ELP4: variants seen among roughly 807,000 people sequenced by gnomAD.
ELP4 encodes elongator complex protein 4.
ELP4 carries 51 observed loss-of-function variants against 48.9 expected under a neutral mutation model. The observed-to-expected ratio is 1.04, with a 90% confidence interval of 0.83 to 1.32. The LOEUF is 1.32. ELP4 is among the 40% of genes most tolerant of loss of function. The pLI, the probability that ELP4 is intolerant of heterozygous loss-of-function variation, is 0.00. For missense variants in ELP4, 519 were observed against 514.6 expected (o/e 1.01, Z -0.08); for synonymous variants, 210 against 189.2 (o/e 1.11, Z -0.90).
At chr11:31,706,349 G>A (rs887260485) in intron 9 of ELP4, among the ~76,000 whole-genome samples, 2 of 151,436 alleles carry the variant, frequency 1.3e-5, no homozygotes, top group Admixed American at 6.6e-5. Context: ...AGAACTTAAG[G>A]CCAGACATGG....
At chr11:31,534,317 G>A (rs1449411701) in intron 2 of ELP4, among the ~76,000 whole-genome samples, 1 of 151,804 alleles carries the variant, frequency 6.6e-6, no homozygotes, top group East Asian at 1.9e-4. Context: ...GAGAGAAAGA[G>A]GAGATATTGG....
At chr11:31,747,797 T>C (rs112627998) in intron 9 of ELP4, among the ~76,000 whole-genome samples, 66 of 152,356 alleles carry the variant, frequency 4.3e-4, no homozygotes, top group African/African-American at 1.4e-3. Context: ...TGTAGTGTGC[T>C]CTGTAGTGTG....
intron 6 of ELP4, among the ~76,000 whole-genome samples, chr11:31,630,894 A>G (rs1592174121): frequency 6.6e-6 from 1 of 152,190 alleles, no homozygotes; most frequent in East Asian, 1.9e-4. Flanking sequence ...ACCATAAGCT[A>G]TAGTAAGGCC....
chr11:31,532,245 G>A (rs1488219305), intron 2 of ELP4, among the ~76,000 whole-genome samples: 1 of 152,196 alleles, frequency 6.6e-6, no homozygotes, highest in Non-Finnish European at 1.5e-5. Flanking sequence ...GACATGTCAT[G>A]AAATTCTGTT....
chr11:31,668,721 T>TGTGTGTGTGTGTGA (rs1565103640), intron 9 of ELP4, among the ~76,000 whole-genome samples: 2 of 92,596 alleles, frequency 2.2e-5, no homozygotes, highest in Non-Finnish European at 4.2e-5. Context: ...TGTGTGTGTG[T>TGTGTGTGTGTGTGA]AAGAACCCTG....
At chr11:31,713,659 T>C (rs1296250058) in intron 9 of ELP4, among the ~76,000 whole-genome samples, 1 of 152,182 alleles carries the variant, frequency 6.6e-6, no homozygotes, top group Admixed American at 6.5e-5. Context: ...GTAAACTCAA[T>C]TCCACCAACC....
intron 2 of ELP4, among the ~76,000 whole-genome samples, chr11:31,535,685 T>TC (rs1956488446): frequency 6.6e-6 from 1 of 152,182 alleles, no homozygotes; most frequent in Non-Finnish European, 1.5e-5. Context: ...CTGTATATAC[T>TC]CATGCAGCCA....
rs966076997 is a variant in ELP4, at chr11:31,787,747, G to A, written c.*4223G>A. 8.7e-6 allele frequency: 2 copies of A among 228,968 alleles called. No individual in the cohort carries two copies. Among genetic ancestry groups the A allele is most frequent in the Non-Finnish European group, 1.7e-5 (2 of 115,434 alleles). The allele number at this position is 228,968 out of a possible 1,614,324, so 14.2% of individuals were successfully genotyped here. A position where few individuals can be genotyped will look rare whatever the true frequency, so the allele number is the denominator to read the frequency against. The stretch of plus-strand genomic sequence containing the variant: ...CTCCAAATGTGCAGCAACTCTGGTG[G>A]AATAAAATTATTAGTATATTTCATG... On this transcript the variant is annotated 3_prime_UTR_variant, in exon 10 of 10. Transcript: ENST00000640961.
intron 5 of ELP4, among the ~76,000 whole-genome samples, chr11:31,618,553 A>G (rs2134023336): frequency 6.6e-6 from 1 of 152,184 alleles, no homozygotes; most frequent in East Asian, 1.9e-4. Flanking sequence ...CAAAGGTCCC[A>G]CCACTTAATA....
chr11:31,535,059 G>A (rs553927463), intron 2 of ELP4, among the ~76,000 whole-genome samples: 9 of 152,228 alleles, frequency 5.9e-5, no homozygotes, highest in East Asian at 1.9e-4. Context: ...TTCCTTTGCC[G>A]TAACACACTA....
intron 9 of ELP4, chr11:31,719,655 T>C (rs1946917710): frequency 2.0e-5 from 8 of 391,458 alleles, no homozygotes; most frequent in Non-Finnish European, 4.5e-6. Flanking sequence ...AAAAGAAATA[T>C]AGGGCGAATT....
intron 1 of ELP4, among the ~76,000 whole-genome samples, chr11:31,517,109 A>G (rs1020513042): frequency 6.6e-6 from 1 of 152,152 alleles, no homozygotes; most frequent in Non-Finnish European, 1.5e-5. Context: ...AGGCGCATGT[A>G]TGTTACCAGA....
At chr11:31,548,297 C>G (rs1592105329) in intron 3 of ELP4, among the ~76,000 whole-genome samples, 1 of 152,048 alleles carries the variant, frequency 6.6e-6, no homozygotes. Flanking sequence ...TCTCAGGATA[C>G]AAAATCAATG....
At chr11:31,669,236 C>T (rs1054409747) in intron 9 of ELP4, among the ~76,000 whole-genome samples, 4 of 151,902 alleles carry the variant, frequency 2.6e-5, no homozygotes, top group African/African-American at 7.3e-5. Context: ...GTAGCTGGGA[C>T]TACCATGCCC....
At chr11:31,694,019 T>C (rs1946343208) in intron 9 of ELP4, among the ~76,000 whole-genome samples, 1 of 152,226 alleles carries the variant, frequency 6.6e-6, no homozygotes, top group South Asian at 2.1e-4. Context: ...GTTTGTTTTT[T>C]TCTTATAAAT....
At chr11:31,585,116 T>G (rs1050147256) in intron 3 of ELP4, among the ~76,000 whole-genome samples, 1 of 152,170 alleles carries the variant, frequency 6.6e-6, no homozygotes, top group Non-Finnish European at 1.5e-5. Context: ...AAAAAATCAG[T>G]TGTGACAAAC....
At chr11:31,515,383 C>G (rs1302312779) in intron 1 of ELP4, among the ~76,000 whole-genome samples, 1 of 152,144 alleles carries the variant, frequency 6.6e-6, no homozygotes, top group East Asian at 1.9e-4. Flanking sequence ...TGTGGTCACT[C>G]ATGCCTGTAA....
At chr11:31,741,000 C>G (rs189982484) in intron 9 of ELP4, among the ~76,000 whole-genome samples, 8 of 152,144 alleles carry the variant, frequency 5.3e-5, no homozygotes, top group Admixed American at 3.9e-4. Context: ...TCAAAGAAAG[C>G]GGTGACAGAC....
At chr11:31,709,491 A>G (rs911154320) in intron 9 of ELP4, among the ~76,000 whole-genome samples, 1 of 152,220 alleles carries the variant, frequency 6.6e-6, no homozygotes, top group Admixed American at 6.5e-5. Context: ...TAATGATACC[A>G]AGTCTCGTAA....
Sources: gnomAD v4.1 joint callset for allele counts (sites outside exome capture counted in the v4.1 genomes callset) on GRCh38, gnomAD v4.1.1 for gene constraint, MANE v1.5 for transcripts, NCBI Gene and HGNC (gene_info 2026-07-23, HGNC 2026-07-21) for gene names.